Variants in MDH1B observed in about 807,000 individuals in gnomAD.
MDH1B encodes the protein putative malate dehydrogenase 1B.
In MDH1B, 60 loss-of-function variants were observed where a neutral mutation model predicts 61.4. The ratio of observed to expected loss-of-function variants is 0.98; its 90% CI spans 0.79 to 1.21. The LOEUF is 1.21. MDH1B is among the 50% of genes most tolerant of loss of function. The probability of loss-of-function intolerance (pLI) is 0.00; values close to 1 mark genes in which losing one functional copy is unlikely to be tolerated. For missense variants in MDH1B, 587 were observed against 632.1 expected (o/e 0.93, Z 0.76); for synonymous variants, 236 against 218.7 (o/e 1.08, Z -0.70).
chr2:206,753,452 C>A (rs150781716), intron 5 of MDH1B, among the ~76,000 whole-genome samples: 1 of 152,130 alleles, frequency 6.6e-6, no homozygotes, highest in African/African-American at 2.4e-5. Flanking sequence ...CTGGTGACTT[C>A]AGTCACCGTG....
Position 206,750,947 on chromosome 2 carries a change from A to C in MDH1B, c.1039T>G (p.Leu347Val). The change falls in exon 6 of 12, where the codon TTG becomes GTG. Residue 347 changes from leucine (L) to valine (V), a missense_variant. Transcript: ENST00000374412. ...PLHYSRPVLN[L>V]IFDSEWVKRE... is the part of the protein sequence containing the mutation. ...AATATACTGTACCTGTCAAAAATCA[A>C]GTTTAAAACAGGGCGTGAATAATGA... The C allele has an allele frequency of 6.2e-7, 1 of 1,606,696 alleles. No individual in the cohort carries two copies. The highest frequency in any genetic ancestry group is 1.1e-5 in the South Asian group (1 of 89,108).
intron 1 of MDH1B, 102 bp downstream of exon 1, chr2:206,765,148 C>T: frequency 1.4e-6 from 2 of 1,410,018 alleles, no homozygotes; most frequent in Non-Finnish European, 1.9e-6. Context: ...TATAGCAAAG[C>T]ATGGAGCGGT....
chr2:206,741,219 TAA>T, intron 9 of MDH1B, 115 bp from the exon 10 acceptor site: 1 of 1,375,114 alleles, frequency 7.3e-7, no homozygotes, highest in Non-Finnish European at 1.0e-6. Context: ...TGACCCACAA[TAA>T]AAGACACATT....
At chr2:206,763,941 T>A (rs1346063085) in intron 1 of MDH1B, among the ~76,000 whole-genome samples, 1 of 152,158 alleles carries the variant, frequency 6.6e-6, no homozygotes, top group Non-Finnish European at 1.5e-5. Context: ...GTCAGTGTCA[T>A]ACATGCAACA....
intron 1 of MDH1B, among the ~76,000 whole-genome samples, chr2:206,761,964 C>G (rs909937547): frequency 6.6e-6 from 1 of 152,162 alleles, no homozygotes; most frequent in African/African-American, 2.4e-5. Context: ...GGGAAATGAG[C>G]CTGATAAAAG....
At chr2:206,752,181 G>A (rs562113951) in intron 5 of MDH1B, among the ~76,000 whole-genome samples, 4 of 152,286 alleles carry the variant, frequency 2.6e-5, no homozygotes, top group African/African-American at 7.2e-5. Context: ...ACACAGTTGT[G>A]TTCAAGGGCA....
In MDH1B at chr2:206,757,381, G is replaced by T. The variant is rs2105947437; in HGVS notation, c.136-10C>A. 1 of 1,609,180 alleles carries T rather than the reference G, an allele frequency of 6.2e-7. No individual in the cohort carries two copies. Among genetic ancestry groups the T allele is most frequent in the East Asian group, 2.2e-5 (1 of 44,814 alleles). On this transcript the variant is annotated splice_polypyrimidine_tract_variant and intron_variant, in intron 2 of 11. Transcript: ENST00000374412. ...CATCTTTTAGCCAATCCTGTTGAAT[G>T]ATATCCCAAGTGAAGTCATATATTA...
At chr2:206,740,141 G>A (rs958488574) in intron 10 of MDH1B, among the ~76,000 whole-genome samples, 19 of 152,242 alleles carry the variant, frequency 1.2e-4, no homozygotes, top group Non-Finnish European at 1.9e-4. Context: ...GTTGACCCCT[G>A]AACAATGTGG....
intron 1 of MDH1B, among the ~76,000 whole-genome samples, chr2:206,764,277 G>A (rs144830767): frequency 0.012 from 1,819 of 148,860 alleles, 43 homozygotes; most frequent in African/African-American, 0.043. Context: ...CAGCCTGGGT[G>A]ACAAAGTGAG....
chr2:206,745,733 T>TC (rs1424630181), intron 8 of MDH1B, 60 bp from the exon 9 acceptor site: 1 of 562,162 alleles, frequency 1.8e-6, no homozygotes, highest in African/African-American at 7.4e-5. Context: ...AATTCTTCTT[T>TC]TTTTTTTTTT....
rs147118032 is a variant in MDH1B at position 206,756,586 on chromosome 2, G to A, written c.413+312C>T. 1.3e-3 allele frequency: 355 copies of A among 275,274 alleles called. 2 individuals carry two copies. Among genetic ancestry groups the A allele is most frequent in the African/African-American group, 7.1e-3 (319 of 44,852 alleles). The allele number at this position is 275,274 out of a possible 1,614,324, so 17.1% of individuals were successfully genotyped here. A position where few individuals can be genotyped will look rare whatever the true frequency, so the allele number is the denominator to read the frequency against. On this transcript the variant is annotated intron_variant, in intron 4 of 11. Coordinates refer to ENST00000374412, the MANE Select transcript of MDH1B (RefSeq NM_001039845.3). ...GAAAAGGCAAAGAAAGCTCTAGCAC[G>A]TGGGAAAGAGGGAGAGAGCAACAGT...
intron 9 of MDH1B, among the ~76,000 whole-genome samples, chr2:206,742,264 G>A (rs1687855297): frequency 6.6e-6 from 1 of 152,194 alleles, no homozygotes; most frequent in Non-Finnish European, 1.5e-5. Flanking sequence ...AAAAGTGTAT[G>A]CACAGCCTTG....
chr2:206,756,104 C>T (rs949760369), intron 4 of MDH1B, among the ~76,000 whole-genome samples: 8 of 151,982 alleles, frequency 5.3e-5, no homozygotes, highest in African/African-American at 9.7e-5. Flanking sequence ...TGCATCCGGG[C>T]ATTTCTGGTA....
At chr2:206,752,139 C>T (rs1688485260) in intron 5 of MDH1B, among the ~76,000 whole-genome samples, 1 of 152,204 alleles carries the variant, frequency 6.6e-6, no homozygotes, top group Admixed American at 6.5e-5. Flanking sequence ...CTATCACCCT[C>T]TGTCACACAG....
chr2:206,748,865 T>C (rs1190564134), intron 7 of MDH1B, among the ~76,000 whole-genome samples, 155 bp downstream of exon 7: 2 of 152,224 alleles, frequency 1.3e-5, no homozygotes, highest in East Asian at 3.8e-4. Flanking sequence ...ACTTTCTGAA[T>C]GAGTAATTGA....
intron 2 of MDH1B, among the ~76,000 whole-genome samples, chr2:206,760,288 C>G (rs989421727): frequency 6.6e-6 from 1 of 152,182 alleles, no homozygotes; most frequent in Non-Finnish European, 1.5e-5. Context: ...AGGTTAAGTT[C>G]CTTCCCAGGG....
chr2:206,753,850 C>T (rs765958515), intron 5 of MDH1B, among the ~76,000 whole-genome samples: 79 of 152,298 alleles, frequency 5.2e-4, no homozygotes, highest in Non-Finnish European at 7.2e-4. Context: ...AGCTTTCTGG[C>T]TGAAAGCCCC....
chr2:206,749,814 A>T (rs919807775), intron 6 of MDH1B, among the ~76,000 whole-genome samples: 1 of 152,214 alleles, frequency 6.6e-6, no homozygotes, highest in Non-Finnish European at 1.5e-5. Flanking sequence ...AGAATTTTCC[A>T]CTTGTGGCAT....
At chr2:206,740,935 G>A in intron 10 of MDH1B, 119 bp downstream of exon 10, 1 of 1,355,968 alleles carries the variant, frequency 7.4e-7, no homozygotes, top group South Asian at 1.3e-5. Context: ...CATATGAAAA[G>A]AAGCAGTTAT....
Sources: allele counts gnomAD v4.1 joint callset (sites outside exome capture counted in the v4.1 genomes callset), GRCh38; gene constraint gnomAD v4.1.1; transcripts MANE v1.5; gene names NCBI Gene and HGNC (gene_info 2026-07-23, HGNC 2026-07-21).